The following RAI14 variants were observed in gnomAD, a reference collection of about 807,000 sequenced individuals.
The protein encoded by RAI14 is ankycorbin.
In RAI14, 45 loss-of-function variants were observed where a neutral mutation model predicts 115.4. That is an observed-to-expected ratio of 0.39 (90% confidence interval 0.31 to 0.50). The LOEUF is 0.50. Among genes scored for constraint, RAI14 ranks in the 20% least tolerant of loss-of-function variants. The pLI is 0.85. For missense variants in RAI14, 939 were observed against 1,131.2 expected (o/e 0.83, Z 2.44); for synonymous variants, 371 against 415.4 (o/e 0.89, Z 1.30).
At chr5:34,687,663 A>G (rs1171115789) in intron 2 of RAI14, 2 of 1,551,290 alleles carry the variant, frequency 1.3e-6, no homozygotes, top group Admixed American at 2.0e-5. Context: ...CATTCCAGAT[A>G]CTTTGAGCAG....
chr5:34,753,089 T>C (rs976275255), intron 2 of RAI14, among the ~76,000 whole-genome samples: 7 of 151,954 alleles, frequency 4.6e-5, no homozygotes, highest in African/African-American at 1.2e-4. Flanking sequence ...TTTCATAGAG[T>C]TGAAAACTAT....
intron 3 of RAI14, among the ~76,000 whole-genome samples, chr5:34,781,528 G>A (rs193226235): frequency 6.6e-6 from 1 of 152,196 alleles, no homozygotes; most frequent in Admixed American, 6.5e-5. Context: ...AGATCTAAAC[G>A]TTTTACATCT....
intron 3 of RAI14, among the ~76,000 whole-genome samples, chr5:34,768,710 C>T (rs867351899): frequency 3.9e-5 from 6 of 152,026 alleles, no homozygotes; most frequent in African/African-American, 7.2e-5. Flanking sequence ...TCGTGGGCCC[C>T]GGGTGCGGTG....
rs188350182 is a variant in RAI14, at chr5:34,824,399, C to G, written c.2557C>G (p.Leu853Val). Reference sequence around the variant, plus strand: ...CAAAGAGCAAGAAGTAAATGAACTTCTGCAAAAATTCCAGCAAGCTCAGGA... The same window carrying G: ...CAAAGAGCAAGAAGTAAATGAACTTGTGCAAAAATTCCAGCAAGCTCAGGA... ...KSKEQEVNEL[L>V]QKFQQAQEEL... Residue 853 changes from leucine (L) to valine (V), a missense_variant, in exon 15 of 18, where the codon CTG becomes GTG. Physicochemically the swap from Leu to Val is conservative, Grantham distance 32 (BLOSUM62 1). Transcript: ENST00000265109. 9.3e-6 allele frequency: 15 copies of G among 1,609,416 alleles called. No homozygotes were observed. In the East Asian group the frequency reaches 2.9e-4, roughly 31 times the overall value.
chr5:34,787,375 C>CA (rs1752422082), intron 3 of RAI14, among the ~76,000 whole-genome samples: 1 of 152,186 alleles, frequency 6.6e-6, no homozygotes, highest in African/African-American at 2.4e-5. Context: ...AATAGATAAA[C>CA]AAAATGCAGC....
intron 4 of RAI14, among the ~76,000 whole-genome samples, chr5:34,799,429 A>G (rs1474966224): frequency 6.6e-6 from 1 of 151,884 alleles, no homozygotes; most frequent in Non-Finnish European, 1.5e-5. Flanking sequence ...GAGAACTGGT[A>G]CAAAGATCTG....
intron 1 of RAI14, among the ~76,000 whole-genome samples, chr5:34,674,904 T>C (rs1253373904): frequency 8.2e-6 from 1 of 122,668 alleles, no homozygotes; most frequent in African/African-American, 5.7e-5. Context: ...TGGATTTTTT[T>C]TTTTTTTTTT....
chr5:34,692,664 G>A (rs1055260631), intron 2 of RAI14, among the ~76,000 whole-genome samples: 23 of 151,856 alleles, frequency 1.5e-4, no homozygotes, highest in Non-Finnish European at 3.1e-4. Context: ...GACCCCACTG[G>A]GTGGAGGTAG....
intron 1 of RAI14, among the ~76,000 whole-genome samples, chr5:34,658,484 T>C (rs1186922951): frequency 6.6e-6 from 1 of 152,064 alleles, no homozygotes; most frequent in Non-Finnish European, 1.5e-5. Context: ...TCTTTCCTTT[T>C]TTTTCATCCT....
At chr5:34,671,522 T>C (rs879286112) in intron 1 of RAI14, among the ~76,000 whole-genome samples, 2 of 152,216 alleles carry the variant, frequency 1.3e-5, no homozygotes, top group Non-Finnish European at 2.9e-5. Flanking sequence ...GTATTAATAA[T>C]AAGATGCTAT....
chr5:34,733,132 G>A (rs1249700495), intron 2 of RAI14: 1 of 152,112 alleles, frequency 6.6e-6, no homozygotes, highest in African/African-American at 2.4e-5. Context: ...ATCAGAGGAG[G>A]AATATCAGAG....
At chr5:34,772,040 G>T (rs1241727570) in intron 3 of RAI14, among the ~76,000 whole-genome samples, 3 of 152,010 alleles carry the variant, frequency 2.0e-5, no homozygotes, top group African/African-American at 4.8e-5. Flanking sequence ...TCTCAAGTAG[G>T]TGGGACTATA....
chr5:34,696,838 T>A (rs1186877262), intron 2 of RAI14, among the ~76,000 whole-genome samples: 1 of 152,116 alleles, frequency 6.6e-6, no homozygotes, highest in Non-Finnish European at 1.5e-5. Context: ...GTGTTAGAAA[T>A]GGAAACTGCT....
intron 2 of RAI14, among the ~76,000 whole-genome samples, chr5:34,739,110 A>G (rs1035071461): frequency 2.0e-5 from 3 of 152,210 alleles, no homozygotes; most frequent in Non-Finnish European, 4.4e-5. Context: ...AAAATAACGG[A>G]GTGGAATTTC....
At chr5:34,805,221 G>A (rs1754718334) in intron 5 of RAI14, among the ~76,000 whole-genome samples, 1 of 151,938 alleles carries the variant, frequency 6.6e-6, no homozygotes, top group South Asian at 2.1e-4. Context: ...AAACCATTCA[G>A]ATTGTTCTTC....
At chr5:34,780,354 A>G (rs1373355453) in intron 3 of RAI14, among the ~76,000 whole-genome samples, 1 of 152,226 alleles carries the variant, frequency 6.6e-6, no homozygotes, top group Non-Finnish European at 1.5e-5. Flanking sequence ...AATGGCAACA[A>G]AAGCCAAAAT....
At position 34,823,429 on chromosome 5, in the gene RAI14, A is replaced by G; in HGVS notation, c.1587A>G (p.Glu529=). The G allele has an allele frequency of 6.2e-7, 1 of 1,614,170 alleles. No individual in the cohort carries two copies. Among genetic ancestry groups the G allele is most frequent in the East Asian group, 2.2e-5 (1 of 44,878 alleles). ...YSHFHELRVT[E]EEINVLKQDL... is the part of the protein sequence containing the mutation. The stretch of plus-strand genomic sequence containing the variant: ...ATTTCCACGAGCTGAGGGTCACGGA[A>G]GAGGAAATAAATGTGCTAAAGCAGG... The change falls in exon 15 of 18, where the codon GAA becomes GAG. Residue 529 remains glutamate (E), a synonymous_variant. Coordinates refer to ENST00000265109, the MANE Select transcript of RAI14 (RefSeq NM_015577.3). This position sits in a 1 kb window ranked among gnomAD's most constrained non-coding sequence, Gnocchi z 4.5.
At chr5:34,795,161 G>A (rs1753355892) in intron 3 of RAI14, among the ~76,000 whole-genome samples, 1 of 152,194 alleles carries the variant, frequency 6.6e-6, no homozygotes, top group Non-Finnish European at 1.5e-5. Context: ...AGGGATGATT[G>A]AATTGGCATT....
chr5:34,732,124 G>C (rs1236223569), intron 2 of RAI14, among the ~76,000 whole-genome samples: 5 of 152,228 alleles, frequency 3.3e-5, no homozygotes, highest in African/African-American at 1.2e-4. Flanking sequence ...GGATCAGCCA[G>C]CATTGGGCAT....
Sources: allele counts gnomAD v4.1 joint callset (sites outside exome capture counted in the v4.1 genomes callset), GRCh38; gene constraint gnomAD v4.1.1; non-coding constraint Gnocchi (gnomAD v3.1); transcripts MANE v1.5; gene names NCBI Gene and HGNC (gene_info 2026-07-23, HGNC 2026-07-21).